RASGRP2: variants seen among roughly 807,000 people sequenced by gnomAD.
RASGRP2 encodes RAS guanyl releasing protein 2.
RASGRP2 carries 44 observed loss-of-function variants against 71.0 expected under a neutral mutation model. That is an observed-to-expected ratio of 0.62 (90% CI 0.49 to 0.80). The LOEUF (loss-of-function observed/expected upper bound fraction) is 0.80. Ranked by LOEUF, RASGRP2 falls within the 30% of genes least tolerant of loss-of-function variation. The pLI is 0.00. For missense variants in RASGRP2, 663 were observed against 813.4 expected, an observed-to-expected ratio of 0.82 and a Z score of 2.25; for synonymous variants, 350 against 330.7, an observed-to-expected ratio of 1.06 and a Z score of -0.63.
At chr11:64,741,388 C>A in intron 4 of RASGRP2, 51 bp downstream of exon 4, 1 of 1,486,982 alleles carries the variant, frequency 6.7e-7, no homozygotes, top group South Asian at 1.2e-5. Flanking sequence ...AGCCTGAAGC[C>A]AGAGAGAAGG....
Position 64,743,986 on chromosome 11 carries a change from C to G in RASGRP2, c.-72+17G>C. 1.0e-6 allele frequency: 1 copy of G among 988,442 alleles called. No homozygotes were observed. The highest frequency in any genetic ancestry group is 1.2e-6 in the Non-Finnish European group (1 of 831,046). 61.2% of individuals were successfully genotyped at this position (988,442 alleles called of 1,614,324 possible). ...CCCTGTGCACACCTGCACGAAGAAACCCTCAGGCACACATACCCAGCTCGT... is the reference window on the plus strand; with the variant it reads ...CCCTGTGCACACCTGCACGAAGAAAGCCTCAGGCACACATACCCAGCTCGT... On this transcript the variant is annotated intron_variant, in intron 1 of 16. Coordinates refer to ENST00000394432, the MANE Select transcript of RASGRP2 (RefSeq NM_001098671.2). This position sits in a 1 kb window ranked among gnomAD's most constrained non-coding sequence, Gnocchi z 4.9.
rs770367517 is a variant in RASGRP2, at chr11:64,742,777, C to T, written c.73+17G>A. Reference sequence around the variant, plus strand: ...GGGGCTAGGCTCAGGCTCCGTGTGCCCTCCCGAGCCACTCACCGAAGGCTT... The same window carrying T: ...GGGGCTAGGCTCAGGCTCCGTGTGCTCTCCCGAGCCACTCACCGAAGGCTT... On this transcript the variant is annotated intron_variant, in intron 2 of 16. Transcript: ENST00000394432. The surrounding 1 kb of genome is among the most constrained non-coding windows in gnomAD (Gnocchi z 4.7). The T allele has an allele frequency of 2.3e-5, 37 of 1,596,958 alleles. No homozygotes were observed. In the South Asian group the frequency reaches 4.1e-4, roughly 18 times the overall value.
In RASGRP2 at chr11:64,742,604, C is replaced by G. The variant is rs560989974; in HGVS notation, c.73+190G>C. ...CTGGGGAAGGCTAGAGAAGGGAAAC[C>G]TCATCTGTCTGAAGGGCGTGCATCT... On this transcript the variant is annotated intron_variant, in intron 2 of 16. Coordinates refer to ENST00000394432, the MANE Select transcript of RASGRP2 (RefSeq NM_001098671.2). This position sits in a 1 kb window ranked among gnomAD's most constrained non-coding sequence, Gnocchi z 4.7. 3.9e-6 allele frequency: 3 copies of G among 767,818 alleles called. No homozygotes were observed. The highest frequency in any genetic ancestry group is 5.4e-5 in the East Asian group (2 of 36,842). The allele number at this position is 767,818 out of a possible 1,614,324, so 47.6% of individuals were successfully genotyped here.
At position 64,739,940 on chromosome 11, in the gene RASGRP2, A is replaced by G; in HGVS notation, c.522+73T>C. On this transcript the variant is annotated intron_variant, in intron 6 of 16. Coordinates refer to ENST00000394432, the MANE Select transcript of RASGRP2 (RefSeq NM_001098671.2). This position sits in a 1 kb window ranked among gnomAD's most constrained non-coding sequence, Gnocchi z 4.2. The stretch of plus-strand genomic sequence containing the variant: ...TGCACCCTGTGACCCAGCCTACGCC[A>G]GGGACCCTGCCCCTCCTAGAACTCT... 1 of 1,611,334 alleles carries G rather than the reference A, an allele frequency of 6.2e-7. No individual in the cohort carries two copies. Among genetic ancestry groups the G allele is most frequent in the South Asian group, 1.1e-5 (1 of 90,870 alleles).
intron 12 of RASGRP2, among the ~76,000 whole-genome samples, chr11:64,731,601 GAAAA>G (rs1165235927): frequency 6.6e-6 from 1 of 152,020 alleles, no homozygotes; most frequent in East Asian, 1.9e-4. Context: ...AAATCAATGA[GAAAA>G]AGACCAACAA....
At position 64,742,188 on chromosome 11, in the gene RASGRP2, G is replaced by A. The variant is rs2058150379; in HGVS notation, c.74-76C>T. 4.3e-6 allele frequency: 5 copies of A among 1,172,860 alleles called. No individual in the cohort carries two copies. The highest frequency in any genetic ancestry group is 6.2e-6 in the Non-Finnish European group (5 of 802,618). 72.7% of individuals were successfully genotyped at this position (1,172,860 alleles called of 1,614,324 possible). ...ATGCCTCATCCTCACCCCGCAACCC[G>A]CCAGGTATCGGTCCTTCGGGTGCAC... is the stretch of plus-strand genomic sequence containing the variant. On this transcript the variant is annotated intron_variant, in intron 2 of 16. Coordinates refer to ENST00000394432, the MANE Select transcript of RASGRP2 (RefSeq NM_001098671.2). This position sits in a 1 kb window ranked among gnomAD's most constrained non-coding sequence, Gnocchi z 4.7.
In RASGRP2 at chr11:64,739,517, G is replaced by A. The variant is rs1418435033; in HGVS notation, c.697-41C>T. On this transcript the variant is annotated intron_variant, in intron 7 of 16. Coordinates refer to ENST00000394432, the MANE Select transcript of RASGRP2 (RefSeq NM_001098671.2). This position sits in a 1 kb window ranked among gnomAD's most constrained non-coding sequence, Gnocchi z 4.2. ...GGACGGAGAGGCAGGGAGTCACTGA[G>A]TGGGCCCAGAATTTGGCCCAGCTTA... 1 of 1,608,918 alleles carries A rather than the reference G, an allele frequency of 6.2e-7. No homozygotes were observed. The highest frequency in any genetic ancestry group is 8.5e-7 in the Non-Finnish European group (1 of 1,175,358).
intron 14 of RASGRP2, 113 bp downstream of exon 14, chr11:64,729,649 T>G: frequency 7.4e-7 from 1 of 1,359,452 alleles, no homozygotes; most frequent in Non-Finnish European, 1.0e-6. Context: ...GCGCCTCTGA[T>G]TTTAAGGTAC....
At chr11:64,741,559 G>A in intron 3 of RASGRP2, 58 bp from the exon 4 acceptor site, 1 of 1,436,604 alleles carries the variant, frequency 7.0e-7, no homozygotes, top group East Asian at 2.4e-5. Context: ...TGCGTGGAGG[G>A]AGGCTGGGGG....
upstream of RASGRP2, chr11:64,744,866 C>T (rs1391171643): frequency 6.8e-6 from 1 of 146,534 alleles, no homozygotes; most frequent in Non-Finnish European, 1.5e-5. Flanking sequence ...CCGCTCCCCG[C>T]CGCCCCGCCC....
chr11:64,727,718 C>T (rs1236884473), intron 15 of RASGRP2, among the ~76,000 whole-genome samples: 1 of 152,114 alleles, frequency 6.6e-6, no homozygotes, highest in Admixed American at 6.6e-5. Flanking sequence ...TGTTTTGCCA[C>T]GTTGGCCAGT....
intron 4 of RASGRP2, 22 bp from the exon 5 acceptor site, chr11:64,741,101 C>A: frequency 6.2e-7 from 1 of 1,609,876 alleles, no homozygotes; most frequent in African/African-American, 1.3e-5. Context: ...GGGAGTCACC[C>A]AAGATAGCCC....
At chr11:64,727,210 G>T in intron 16 of RASGRP2, 79 bp from the exon 17 acceptor site, 1 of 1,234,110 alleles carries the variant, frequency 8.1e-7, no homozygotes, top group South Asian at 1.2e-5. Flanking sequence ...GGAGCCATTT[G>T]GATAAAGCAC....
Position 64,730,143 on chromosome 11 carries a change from G to A in RASGRP2, c.1464C>T (p.Ser488=), listed in dbSNP as rs1489066343. The A allele has an allele frequency of 1.9e-6, 3 of 1,551,450 alleles. No individual in the cohort carries two copies. Among genetic ancestry groups the A allele is most frequent in the Admixed American group, 2.0e-5 (1 of 50,992 alleles). ...EEMVSYFLRS[S]SVLGGRMGFV... ...AGCCCATGCGCCCCCCCAACACAGA[G>A]CTGGAGCGCAGGAAATAGGAAACCA... Residue 488 remains serine (S), a synonymous_variant, in exon 13 of 17, where the codon AGC becomes AGT. Transcript: ENST00000394432.
intron 5 of RASGRP2, 47 bp downstream of exon 5, chr11:64,740,901 A>C (rs1225109419): frequency 3.1e-6 from 5 of 1,605,438 alleles, no homozygotes; most frequent in African/African-American, 1.3e-5. Flanking sequence ...CACAGATGGT[A>C]TAGGATACTG....
Position 64,744,063 on chromosome 11 carries a change from C to T in RASGRP2, c.-132G>A. 2.0e-6 allele frequency: 2 copies of T among 988,380 alleles called. No individual in the cohort carries two copies. The highest frequency in any genetic ancestry group is 2.4e-6 in the Non-Finnish European group (2 of 831,078). The allele number at this position is 988,380 out of a possible 1,614,324, so 61.2% of individuals were successfully genotyped here. On this transcript the variant is annotated 5_prime_UTR_variant, in exon 1 of 17. It removes the in-frame stop codon of an upstream open reading frame in the 5' UTR. Transcript: ENST00000394432. The stretch of plus-strand genomic sequence containing the variant: ...GAGGTCGCCTCCTGGACGTGCTGTT[C>T]ACTTGAGCCAGGCCAGCCTTGAGTC...
intron 13 of RASGRP2, 127 bp downstream of exon 13, chr11:64,729,926 A>G (rs1592351563): frequency 6.5e-7 from 1 of 1,544,374 alleles, no homozygotes; most frequent in African/African-American, 1.4e-5. Context: ...ACAGGAGGAG[A>G]GGCAAATAGA....
Position 64,735,696 on chromosome 11 carries a change from A to T in RASGRP2, c.1174-32T>A. 6.3e-7 allele frequency: 1 copy of T among 1,593,902 alleles called. No individual in the cohort carries two copies. Among genetic ancestry groups the T allele is most frequent in the Non-Finnish European group, 8.5e-7 (1 of 1,171,748 alleles). On this transcript the variant is annotated intron_variant, in intron 10 of 16. Coordinates refer to ENST00000394432, the MANE Select transcript of RASGRP2 (RefSeq NM_001098671.2). This position sits in a 1 kb window ranked among gnomAD's most constrained non-coding sequence, Gnocchi z 4.2. ...AAATGGTCGGGCCTGAGCTAGGGCC[A>T]GAGGCAGGGGAAGCCCAGAGCCCCG...
chr11:64,744,716 C>A (rs1257124289), upstream of RASGRP2: 1 of 149,020 alleles, frequency 6.7e-6, no homozygotes, highest in Non-Finnish European at 1.5e-5. Context: ...CTTCGCCTGG[C>A]GCCCCGCCCG....
Sources: allele counts gnomAD v4.1 joint callset (sites outside exome capture counted in the v4.1 genomes callset), GRCh38; gene constraint gnomAD v4.1.1; non-coding constraint Gnocchi (gnomAD v3.1); transcripts MANE v1.5; gene names NCBI Gene and HGNC (gene_info 2026-07-23, HGNC 2026-07-21).